ANK2: variants seen among roughly 807,000 people sequenced by gnomAD.
ANK2 encodes the protein ankyrin 2.
Under a neutral mutation model 360.5 loss-of-function variants are expected in ANK2, and 83 were observed. The observed-to-expected ratio is 0.23, with a 90% CI of 0.19 to 0.28. The LOEUF (loss-of-function observed/expected upper bound fraction) is 0.28. Ranked by LOEUF, ANK2 falls within the 10% of genes least tolerant of loss-of-function variation. ANK2 has a pLI of 1.00. For missense variants in ANK2, 4,201 were observed against 4,795.7 expected (o/e 0.88, Z 3.66); for synonymous variants, 1,740 against 1,759.5 (o/e 0.99, Z 0.28).
At chr4:112,987,686 T>A (rs2045403082) in intron 2 of ANK2, among the ~76,000 whole-genome samples, 1 of 152,044 alleles carries the variant, frequency 6.6e-6, no homozygotes, top group Non-Finnish European at 1.5e-5. Flanking sequence ...CCTGTTAGGT[T>A]TCTATAGAAA....
chr4:113,176,768 A>G (rs1458231764), intron 2 of ANK2, among the ~76,000 whole-genome samples: 2 of 151,968 alleles, frequency 1.3e-5, no homozygotes, highest in African/African-American at 4.8e-5. Context: ...TCCTAACGCT[A>G]TCCCTCGCTC....
At chr4:113,224,132 C>T (rs2099186447) in intron 4 of ANK2, among the ~76,000 whole-genome samples, 1 of 152,166 alleles carries the variant, frequency 6.6e-6, no homozygotes, top group Non-Finnish European at 1.5e-5. Flanking sequence ...ATCAATTCTG[C>T]CATCATCAGT....
the ANK2 span, among the ~76,000 whole-genome samples, chr4:112,760,984 T>G: frequency 6.6e-6 from 1 of 151,536 alleles, no homozygotes; most frequent in South Asian, 2.1e-4. Flanking sequence ...TTTTTGTATT[T>G]TATTAGTAGA....
At chr4:112,771,539 A>G in the ANK2 span, among the ~76,000 whole-genome samples, 1 of 152,210 alleles carries the variant, frequency 6.6e-6, no homozygotes, top group African/African-American at 2.4e-5. Context: ...TCATGGAGAA[A>G]TATAATAGGA....
chr4:113,146,066 C>T (rs2096823821), intron 1 of ANK2: 2 of 1,280,988 alleles, frequency 1.6e-6, no homozygotes, highest in Non-Finnish European at 2.0e-6. Flanking sequence ...AACAGTAGAC[C>T]TCATTGGTCA....
In ANK2 at chr4:112,850,504, C is replaced by CTTTTTTTTTTTTTTTTTTTTTTTTTTTTT. The variant is rs60510554; in HGVS notation, c.-40+32242_-40+32270dup. 3.4e-4 allele frequency among the ~76,000 whole-genome samples: 2 copies of CTTTTTTTTTTTTTTTTTTTTTTTTTTTTT among 5,820 alleles called. 1 individual carries two copies. The highest frequency in any genetic ancestry group is 5.9e-4 in the Non-Finnish European group (2 of 3,408). The allele number at this position is 5,820 out of a possible 152,430, so 3.8% of individuals were successfully genotyped here. ...TTTTTTTAACATTTCCTGTGCTAGT[C>CTTTTTTTTTTTTTTTTTTTTTTTTTTTTT]TTTTTTTTTTTTTTTTTTTTTTTTT... On this transcript the variant is annotated intron_variant, in intron 1 of 30. Transcript: ENST00000503271.
intron 1 of ANK2, among the ~76,000 whole-genome samples, chr4:112,850,654 C>T (rs2064731231): frequency 6.6e-6 from 1 of 150,630 alleles, no homozygotes; most frequent in Non-Finnish European, 1.5e-5. Context: ...GTAGATGGGA[C>T]TACAGGTGCC....
At chr4:113,088,475 C>T (rs2086007379) in intron 1 of ANK2, among the ~76,000 whole-genome samples, 1 of 152,106 alleles carries the variant, frequency 6.6e-6, no homozygotes, top group African/African-American at 2.4e-5. Flanking sequence ...TGGACATTTC[C>T]AGAGCACTCC....
chr4:112,827,406 A>C (rs2058641601), intron 1 of ANK2: 1 of 1,383,776 alleles, frequency 7.2e-7, no homozygotes, highest in Non-Finnish European at 1.0e-6. Flanking sequence ...CTATTGGACC[A>C]AGGAAGAAGA....
intron 12 of ANK2, 29 bp downstream of exon 12, chr4:113,258,177 G>A (rs1202208074): frequency 6.3e-7 from 1 of 1,589,094 alleles, no homozygotes; most frequent in Admixed American, 1.7e-5. Flanking sequence ...TAGTCACAAA[G>A]CATTCCTTCT....
chr4:113,076,309 G>A (rs2079942584), intron 1 of ANK2, among the ~76,000 whole-genome samples: 1 of 152,238 alleles, frequency 6.6e-6, no homozygotes, highest in African/African-American at 2.4e-5. Context: ...CGGGCCAAGG[G>A]TTGGACAAAC....
At chr4:112,727,561 T>G in the ANK2 span, among the ~76,000 whole-genome samples, 1 of 152,060 alleles carries the variant, frequency 6.6e-6, no homozygotes, top group Non-Finnish European at 1.5e-5. Flanking sequence ...AACCAAGGGT[T>G]GGTTTTTTGA....
rs1210888053 is a variant in ANK2, at chr4:113,369,876, G to C, written c.11610+71G>C. On this transcript the variant is annotated intron_variant, in intron 43 of 45. Coordinates refer to ENST00000357077, the MANE Select transcript of ANK2 (RefSeq NM_001148.6). ...CAAATCTTCCAGTTTCCATTTCTAT[G>C]ATGGTTTATTTTTTGCACTTCAAAA... 3.1e-6 allele frequency: 5 copies of C among 1,603,216 alleles called. No individual in the cohort carries two copies. The South Asian group carries it at 3.3e-5, about 11-fold the overall frequency.
intron 18 of ANK2, 50 bp from the exon 19 acceptor site, chr4:113,287,554 CA>C: frequency 7.9e-7 from 1 of 1,268,878 alleles, no homozygotes; most frequent in Non-Finnish European, 1.2e-6. Context: ...ATAGATGATG[CA>C]ATGTATTTTC....
chr4:113,115,463 A>G (rs1417964112), intron 1 of ANK2, among the ~76,000 whole-genome samples: 1 of 152,180 alleles, frequency 6.6e-6, no homozygotes, highest in African/African-American at 2.4e-5. Flanking sequence ...CATATCAACA[A>G]TACAACACTG....
chr4:113,172,084 T>G (rs545204978), intron 1 of ANK2, among the ~76,000 whole-genome samples: 28 of 152,344 alleles, frequency 1.8e-4, no homozygotes, highest in Non-Finnish European at 3.5e-4. Flanking sequence ...CAAAGCATCC[T>G]TTATCACCTG....
In ANK2 at chr4:113,071,771, C is replaced by G. The variant is rs2077642010; in HGVS notation, c.84+21959C>G. On this transcript the variant is annotated intron_variant, in intron 1 of 45. Coordinates refer to ENST00000357077, the MANE Select transcript of ANK2 (RefSeq NM_001148.6). ...TTGAGTAGGTATATTAGTTCATTCT[C>G]ATGCTGCTAATAAAGACATACCCGA... The G allele has an allele frequency of 1.3e-5, 2 of 152,938 alleles. 1 individual carries two copies. Among genetic ancestry groups the G allele is most frequent in the South Asian group, 4.1e-4 (2 of 4,826 alleles). The allele number at this position is 152,938 out of a possible 1,614,324, so 9.5% of individuals were successfully genotyped here.
chr4:113,202,419 G>A (rs1236028994), intron 4 of ANK2, among the ~76,000 whole-genome samples: 4 of 152,150 alleles, frequency 2.6e-5, no homozygotes, highest in Non-Finnish European at 2.9e-5. Context: ...GAAAAAGGAC[G>A]TAGGGAATCC....
chr4:112,951,720 A>G (rs1248704163), intron 2 of ANK2, among the ~76,000 whole-genome samples: 1 of 152,252 alleles, frequency 6.6e-6, no homozygotes, highest in African/African-American at 2.4e-5. Context: ...ACATAAGTAT[A>G]CATTCATAAA....
Sources: gnomAD v4.1 joint callset for allele counts (sites outside exome capture counted in the v4.1 genomes callset) on GRCh38, gnomAD v4.1.1 for gene constraint, MANE v1.5 for transcripts, NCBI Gene and HGNC (gene_info 2026-07-23, HGNC 2026-07-21) for gene names.